Variants in SLIT2 observed in about 807,000 individuals in gnomAD.
SLIT2 encodes the protein slit guidance ligand 2.
Under a neutral mutation model 185.7 loss-of-function variants are expected in SLIT2, and 41 were observed. That is an observed-to-expected ratio of 0.22 (90% confidence interval 0.17 to 0.29). The LOEUF (loss-of-function observed/expected upper bound fraction) is 0.29, where lower values mean the gene tolerates loss of function less well. Among genes scored for constraint, SLIT2 ranks in the 10% least tolerant of loss-of-function variants. SLIT2 has a pLI of 1.00. For synonymous variants in SLIT2, 693 were observed against 680.2 expected (o/e 1.02, Z -0.29); for missense variants, 1,571 against 1,909.0 (o/e 0.82, Z 3.30).
chr4:20,586,359 G>A (rs928460020), intron 29 of SLIT2, among the ~76,000 whole-genome samples: 1 of 151,308 alleles, frequency 6.6e-6, no homozygotes, highest in East Asian at 1.9e-4. Context: ...TTGATTACAG[G>A]TCAACAAGAT....
At chr4:20,470,484 CTGTGTGTGTGTGTGTG>C (rs540814034) in intron 5 of SLIT2, among the ~76,000 whole-genome samples, 186 of 129,280 alleles carry the variant, frequency 1.4e-3, no homozygotes, top group African/African-American at 4.8e-3. Flanking sequence ...GCAGTGGAGT[CTGTGTGTGTGTGTGTG>C]TGTGTGTGTG....
chr4:20,300,072 A>G (rs1047963223), intron 4 of SLIT2, among the ~76,000 whole-genome samples: 1 of 152,092 alleles, frequency 6.6e-6, no homozygotes, highest in Non-Finnish European at 1.5e-5. Flanking sequence ...CTTTAGTATA[A>G]TATTTTATGG....
At chr4:20,457,400 A>G (rs1713194214) in intron 4 of SLIT2, among the ~76,000 whole-genome samples, 1 of 152,054 alleles carries the variant, frequency 6.6e-6, no homozygotes. Flanking sequence ...CCAGAGGATG[A>G]GTAGGAGGAT....
At chr4:20,564,640 G>C (rs918534422) in intron 26 of SLIT2, among the ~76,000 whole-genome samples, 3 of 151,884 alleles carry the variant, frequency 2.0e-5, no homozygotes, top group African/African-American at 7.3e-5. Context: ...TTTTGGTAAA[G>C]TTGGTAGTCA....
intron 12 of SLIT2, among the ~76,000 whole-genome samples, chr4:20,521,593 A>G (rs1369688507): frequency 6.6e-6 from 1 of 152,174 alleles, no homozygotes; most frequent in Non-Finnish European, 1.5e-5. Flanking sequence ...AGTAAAGAAC[A>G]GGTCAGCATT....
intron 4 of SLIT2, among the ~76,000 whole-genome samples, chr4:20,330,149 C>G (rs146818878): frequency 6.6e-6 from 1 of 152,156 alleles, no homozygotes; most frequent in Non-Finnish European, 1.5e-5. Context: ...TTGTGCAAAT[C>G]TAGCTGAATG....
intron 4 of SLIT2, among the ~76,000 whole-genome samples, chr4:20,338,369 T>C (rs1720681573): frequency 6.6e-6 from 1 of 152,188 alleles, no homozygotes; most frequent in African/African-American, 2.4e-5. Context: ...TAATATTAGA[T>C]TGAATTAAGC....
At chr4:20,577,839 G>C (rs919850126) in intron 29 of SLIT2, among the ~76,000 whole-genome samples, 1 of 152,142 alleles carries the variant, frequency 6.6e-6, no homozygotes, top group South Asian at 2.1e-4. Flanking sequence ...ATAAAATTTG[G>C]TAATGATAAA....
intron 4 of SLIT2, among the ~76,000 whole-genome samples, chr4:20,309,525 C>G (rs1200625466): frequency 1.3e-5 from 2 of 151,548 alleles, no homozygotes; most frequent in Non-Finnish European, 2.9e-5. Context: ...ATTCTTCTGT[C>G]CTCAAAAAAT....
At chr4:20,454,214 T>C (rs936809483) in intron 4 of SLIT2, among the ~76,000 whole-genome samples, 3 of 152,208 alleles carry the variant, frequency 2.0e-5, no homozygotes, top group African/African-American at 7.2e-5. Flanking sequence ...CTGATTATTC[T>C]ATGCAAGACT....
intron 16 of SLIT2, among the ~76,000 whole-genome samples, chr4:20,529,924 C>T (rs1721635315): frequency 6.6e-6 from 1 of 152,212 alleles, no homozygotes; most frequent in African/African-American, 2.4e-5. Flanking sequence ...ATAATCCTTC[C>T]ATCTTTAACT....
chr4:20,529,987 G>T (rs1281451496), intron 16 of SLIT2, among the ~76,000 whole-genome samples: 1 of 152,000 alleles, frequency 6.6e-6, no homozygotes, highest in Non-Finnish European at 1.5e-5. Flanking sequence ...ATCTCTCACT[G>T]TGCCTATACT....
At chr4:20,372,799 A>G (rs1723704777) in intron 4 of SLIT2, among the ~76,000 whole-genome samples, 1 of 152,046 alleles carries the variant, frequency 6.6e-6, no homozygotes, top group East Asian at 1.9e-4. Flanking sequence ...GGGTGGTATT[A>G]TATTTGTCTC....
chr4:20,524,272 T>C (rs902554768), intron 14 of SLIT2, 95 bp downstream of exon 14: 9 of 1,050,274 alleles, frequency 8.6e-6, no homozygotes, highest in South Asian at 1.5e-5. Flanking sequence ...TAGTGAACAC[T>C]GTAGAATCAT....
At chr4:20,382,120 A>AT (rs888127278) in intron 4 of SLIT2, among the ~76,000 whole-genome samples, 1 of 152,060 alleles carries the variant, frequency 6.6e-6, no homozygotes, top group African/African-American at 2.4e-5. Context: ...ATATTAACAG[A>AT]TTTTTTTCAA....
intron 9 of SLIT2, among the ~76,000 whole-genome samples, chr4:20,499,812 A>G (rs775870182): frequency 3.3e-5 from 5 of 152,162 alleles, no homozygotes; most frequent in Admixed American, 6.5e-5. Flanking sequence ...ATATGTAAAG[A>G]TATGCAAGTT....
rs925383634 is a variant in SLIT2, at chr4:20,295,560, C to G, written c.395+26679C>G. Among the ~76,000 whole-genome samples the G allele has an allele frequency of 2.0e-5, 3 of 152,260 alleles. No individual in the cohort carries two copies. In the South Asian group the frequency reaches 6.2e-4, roughly 32 times the overall value. The stretch of plus-strand genomic sequence containing the variant: ...ACCGTCAGCTCTCTTAGTAGTAAGT[C>G]AATCCAAACCAACTCCTTCATTGCC... On this transcript the variant is annotated intron_variant, in intron 4 of 36. Coordinates refer to ENST00000504154, the MANE Select transcript of SLIT2 (RefSeq NM_004787.4).
chr4:20,580,526 A>G (rs1726474295), intron 29 of SLIT2, among the ~76,000 whole-genome samples: 1 of 152,010 alleles, frequency 6.6e-6, no homozygotes, highest in Non-Finnish European at 1.5e-5. Flanking sequence ...CATTCGACTC[A>G]CTTTCTCTTC....
intron 4 of SLIT2, among the ~76,000 whole-genome samples, chr4:20,277,607 G>T (rs1343358630): frequency 6.6e-6 from 1 of 151,272 alleles, no homozygotes; most frequent in Non-Finnish European, 1.5e-5. Context: ...TACCACTGTA[G>T]TTACATTGTT....
Sources: allele counts gnomAD v4.1 joint callset (sites outside exome capture counted in the v4.1 genomes callset), GRCh38; gene constraint gnomAD v4.1.1; transcripts MANE v1.5; gene names NCBI Gene and HGNC (gene_info 2026-07-23, HGNC 2026-07-21).